The following TGM1 variants were observed in gnomAD, a reference collection of about 807,000 sequenced individuals.
TGM1 encodes the protein transglutaminase 1.
In TGM1, 63 loss-of-function variants were observed where a neutral mutation model predicts 88.7. The observed-to-expected ratio is 0.71, with a 90% CI of 0.58 to 0.88. TGM1 has a LOEUF of 0.88. Among genes scored for constraint, TGM1 ranks in the 40% least tolerant of loss-of-function variants. TGM1 has a pLI of 0.00. For missense variants in TGM1, 996 were observed against 1,118.0 expected (o/e 0.89, Z 1.56); for synonymous variants, 415 against 431.1 (o/e 0.96, Z 0.46).
In TGM1 at chr14:24,249,348, C is replaced by T. The variant is rs1314426817; in HGVS notation, c.2419G>A (p.Glu807Lys). The T allele has an allele frequency of 8.1e-6, 13 of 1,613,856 alleles. No individual in the cohort carries two copies. Among genetic ancestry groups the T allele is most frequent in the African/African-American group, 1.3e-5 (1 of 74,894 alleles). ...SDAGGDSHLGETIPMASRGGA is the reference protein window; with the variant it reads ...SDAGGDSHLGKTIPMASRGGA Reference sequence around the variant, plus strand: ...CCTCGAGATGCCATAGGGATGGTCTCTCCTAAGTGACTGTCACCTCCAGCG... The same window carrying T: ...CCTCGAGATGCCATAGGGATGGTCTTTCCTAAGTGACTGTCACCTCCAGCG... The change falls in exon 15 of 15, where the codon GAG (glutamate) becomes AAG (lysine). Residue 807 changes from glutamate (E) to lysine (K), a missense_variant. Coordinates refer to ENST00000206765, the MANE Select transcript of TGM1 (RefSeq NM_000359.3).
chr14:24,258,846 G>A (rs35692401), intron 7 of TGM1, among the ~76,000 whole-genome samples, 173 bp from the exon 8 acceptor site: 1 of 152,330 alleles, frequency 6.6e-6, no homozygotes, highest in African/African-American at 2.4e-5. Context: ...TTGGGGTCAG[G>A]GGAAGCTAGG....
Position 24,254,698 on chromosome 14 carries a change from G to A in TGM1, c.2054C>T (p.Thr685Ile). The A allele has an allele frequency of 6.2e-7, 1 of 1,613,972 alleles. No homozygotes were observed. ...ESGQVLAKQHTFRLRTPDLSL... is the reference protein window; with the variant it reads ...ESGQVLAKQHIFRLRTPDLSL... ...GAGGTCTGGGGTGCGCAGACGGAAG[G>A]TGTGCTGCTTGGCCAGCACCTGCCC... Residue 685 changes from threonine to isoleucine, a missense_variant, in exon 13 of 15, where the codon ACC becomes ATC. Thr to Ile is a moderately conservative substitution (Grantham distance 89). Transcript: ENST00000206765.
At position 24,256,070 on chromosome 14, in the gene TGM1, GA is replaced by G. The variant is rs1479881544; in HGVS notation, c.1409del (p.Phe470SerfsTer18). 1 of 1,565,236 alleles carries G rather than the reference GA, an allele frequency of 6.4e-7. No homozygotes were observed. Among genetic ancestry groups the G allele is most frequent in the Non-Finnish European group, 8.7e-7 (1 of 1,153,840 alleles). The part of the protein sequence containing the change: ...ATPQETSSGI[F>X]CCGPCSVESI... ...ACTCCACAGAGCAGGGGCCGCAGCA[GA>G]AGATGCCTAGAGAGTGAGGCGGGAC... is the stretch of plus-strand genomic sequence containing the variant. On this transcript the variant is annotated frameshift_variant, in exon 10 of 15. Transcript: ENST00000206765. LOFTEE classifies it high-confidence loss of function.
In TGM1 at chr14:24,255,470, G is replaced by A. The variant is rs1383613653; in HGVS notation, c.1539C>T (p.Phe513=). Residue 513 remains phenylalanine (F), a synonymous_variant, in exon 11 of 15, where the codon TTC becomes TTT. Coordinates refer to ENST00000206765, the MANE Select transcript of TGM1 (RefSeq NM_000359.3). The surrounding 1 kb of genome is among the most constrained non-coding windows in gnomAD (Gnocchi z 4.0). ...VYWQRQDDGS[F]KIVYVEEKAI... is the part of the protein sequence containing the mutation. ...CCTTCTCCTCCACATAAACAATCTT[G>A]AAGCTGCCATCATCCTGCCGCTGCC... 1 of 1,613,948 alleles carries A rather than the reference G, an allele frequency of 6.2e-7. No individual in the cohort carries two copies. Among genetic ancestry groups the A allele is most frequent in the Non-Finnish European group, 8.5e-7 (1 of 1,180,044 alleles).
At chr14:24,253,430 T>TTG (rs139097500) in intron 14 of TGM1, among the ~76,000 whole-genome samples, 8 of 151,760 alleles carry the variant, frequency 5.3e-5, no homozygotes, top group South Asian at 2.1e-4. Flanking sequence ...AAAACTTCGC[T>TTG]TGTGTGTGTG....
intron 14 of TGM1, among the ~76,000 whole-genome samples, chr14:24,253,215 G>C (rs1205396605): frequency 6.6e-6 from 1 of 152,200 alleles, no homozygotes; most frequent in Non-Finnish European, 1.5e-5. Flanking sequence ...CTGTAAGTGG[G>C]GGTAATAATG....
rs2040747057 is a variant in TGM1 at position 24,255,953 on chromosome 14, T to C, written c.1491+36A>G. On this transcript the variant is annotated intron_variant, in intron 10 of 14. Transcript: ENST00000206765. This position sits in a 1 kb window ranked among gnomAD's most constrained non-coding sequence, Gnocchi z 4.0. ...AAGTTGGGACCAGAGAACCCATGAC[T>C]GAAGCCCAAGAAGGCACCTGGAGCC... is the stretch of plus-strand genomic sequence containing the variant. 6.6e-7 allele frequency: 1 copy of C among 1,523,408 alleles called. No homozygotes were observed. The highest frequency in any genetic ancestry group is 2.4e-5 in the East Asian group (1 of 40,856). The allele number at this position is 1,523,408 out of a possible 1,614,324, so 94.4% of individuals were successfully genotyped here.
chr14:24,254,143 C>T lies in TGM1; in HGVS notation c.2225+9G>A. The T allele has an allele frequency of 6.2e-7, 1 of 1,608,154 alleles. No homozygotes were observed. Among genetic ancestry groups the T allele is most frequent in the Non-Finnish European group, 8.5e-7 (1 of 1,177,196 alleles). On this transcript the variant is annotated intron_variant, in intron 14 of 14. Coordinates refer to ENST00000206765, the MANE Select transcript of TGM1 (RefSeq NM_000359.3). ...TGGAAGCAGGGGTAGGGGGAGAGGC[C>T]AGACTCACCCAACGTTGAGGATCTT...
At position 24,255,118 on chromosome 14, in the gene TGM1, A is replaced by G; in HGVS notation, c.1781T>C (p.Leu594Pro). The G allele has an allele frequency of 6.2e-7, 1 of 1,614,140 alleles. No homozygotes were observed. The highest frequency in any genetic ancestry group is 1.1e-5 in the South Asian group (1 of 91,086). ...ATTGATCAGCATCACAGAGACCATC[A>G]GATCCTGCCCCATCACCGCGTCCTG... The part of the protein sequence containing the change: ...EAQDAVMGQD[L>P]MVSVMLINHS... The change falls in exon 12 of 15, where the codon CTG becomes CCG. Residue 594 changes from leucine to proline, a missense_variant. Physicochemically the swap from Leu to Pro is moderately conservative, Grantham distance 98 (BLOSUM62 -3). Coordinates refer to ENST00000206765, the MANE Select transcript of TGM1 (RefSeq NM_000359.3). This position sits in a 1 kb window ranked among gnomAD's most constrained non-coding sequence, Gnocchi z 4.0.
intron 14 of TGM1, 135 bp downstream of exon 14, chr14:24,254,017 G>C (rs1366154248): frequency 7.8e-7 from 1 of 1,286,910 alleles, no homozygotes; most frequent in African/African-American, 1.5e-5. Flanking sequence ...GGTATTGCTA[G>C]CTGGCCCCAA....
intron 14 of TGM1, among the ~76,000 whole-genome samples, chr14:24,250,700 G>A (rs1382436601): frequency 1.3e-5 from 2 of 152,174 alleles, no homozygotes; most frequent in African/African-American, 4.8e-5. Flanking sequence ...AGCACCTCCT[G>A]CCTCTAGGAA....
In TGM1 at chr14:24,262,194, G is replaced by A. The variant is rs201432046; in HGVS notation, c.159C>T (p.Cys53=). 1 of 1,613,628 alleles carries A rather than the reference G, an allele frequency of 6.2e-7. No homozygotes were observed. Among genetic ancestry groups the A allele is most frequent in the African/African-American group, 1.3e-5 (1 of 74,934 alleles). Residue 53 remains cysteine, a synonymous_variant, in exon 2 of 15, where the codon TGC becomes TGT. Transcript: ENST00000206765. The stretch of plus-strand genomic sequence containing the variant: ...CCCAGTCGTCATCTGCCGCATTTCG[G>A]CATGAACAGCAGCCACAGCAGCGAG... ...FWARCCGCCS[C]RNAADDDWGP...
chr14:24,255,418 C>T lies in TGM1; in HGVS notation c.1591G>A (p.Ala531Thr), dbSNP rs1387897621. The change falls in exon 11 of 15, where the codon GCC (alanine) becomes ACC (threonine). Residue 531 changes from alanine (A) to threonine (T), a missense_variant. Transcript: ENST00000206765. The surrounding 1 kb of genome is among the most constrained non-coding windows in gnomAD (Gnocchi z 4.0). ...KAIGTLIVTKAISSNMREDIT... is the reference protein window; with the variant it reads ...KAIGTLIVTKTISSNMREDIT... ...TCCTCCCGCATGTTGGAGCTGATGGCCTTTGTGACAATGAGTGTGCCGATG... is the reference window on the plus strand; with the variant it reads ...TCCTCCCGCATGTTGGAGCTGATGGTCTTTGTGACAATGAGTGTGCCGATG... The T allele has an allele frequency of 6.2e-7, 1 of 1,613,998 alleles. No individual in the cohort carries two copies. The highest frequency in any genetic ancestry group is 1.3e-5 in the African/African-American group (1 of 74,880).
chr14:24,258,766 T>C, intron 7 of TGM1, 93 bp from the exon 8 acceptor site: 3 of 1,559,234 alleles, frequency 1.9e-6, no homozygotes, highest in Non-Finnish European at 2.6e-6. Context: ...GCAACTAGGA[T>C]TGCCAAGCTG....
In TGM1 at chr14:24,260,534, G is replaced by C; in HGVS notation, c.673C>G (p.Arg225Gly). Residue 225 changes from arginine (R) to glycine (G), a missense_variant, in exon 4 of 15, where the codon CGC (arginine) becomes GGC (glycine). Arg to Gly is a moderately radical substitution (Grantham distance 125). Transcript: ENST00000206765. ...AACTCCCCAGCGTCTGATTGTGTGC[G>C]GACTGTGAACTGAAACTTGCCGATG... ...AIIGKFQFTV[R>G]TQSDAGEFQL... 1 of 1,614,224 alleles carries C rather than the reference G, an allele frequency of 6.2e-7. No individual in the cohort carries two copies. The highest frequency in any genetic ancestry group is 8.5e-7 in the Non-Finnish European group (1 of 1,180,036).
chr14:24,261,542 A>G (rs1566380680), intron 3 of TGM1, among the ~76,000 whole-genome samples, 153 bp downstream of exon 3: 1 of 151,774 alleles, frequency 6.6e-6, no homozygotes, highest in Admixed American at 6.6e-5. Flanking sequence ...CTGAGACACA[A>G]CCCCAGGGGC....
Position 24,249,203 on chromosome 14 carries a change from AGCCCTGGACTC to A in TGM1, c.*99_*109del. Reference sequence around the variant, plus strand: ...GGGAGCCCTGGACTCCCCCTCCGGGAGCCCTGGACTCCCCACCTGAGCTCCTGGGGAGCTGC... The same window carrying A: ...GGGAGCCCTGGACTCCCCCTCCGGGACCCACCTGAGCTCCTGGGGAGCTGC... On this transcript the variant is annotated 3_prime_UTR_variant, in exon 15 of 15. Transcript: ENST00000206765. 3.4e-6 allele frequency: 1 copy of A among 298,400 alleles called. No individual in the cohort carries two copies. The highest frequency in any genetic ancestry group is 5.8e-6 in the Non-Finnish European group (1 of 171,890). The allele number at this position is 298,400 out of a possible 1,614,324, so 18.5% of individuals were successfully genotyped here.
chr14:24,257,730 T>C (rs1027567597), intron 9 of TGM1, among the ~76,000 whole-genome samples: 49 of 152,330 alleles, frequency 3.2e-4, no homozygotes, highest in African/African-American at 1.2e-3. Context: ...AAATATACAT[T>C]GTTAGCATCT....
chr14:24,252,924 G>T (rs1174205045), intron 14 of TGM1, among the ~76,000 whole-genome samples: 1 of 152,200 alleles, frequency 6.6e-6, no homozygotes, highest in Non-Finnish European at 1.5e-5. Context: ...GGCAGCACGT[G>T]TAAGTCTGTA....
Sources: gnomAD v4.1 joint callset for allele counts (sites outside exome capture counted in the v4.1 genomes callset) on GRCh38, gnomAD v4.1.1 for gene constraint, Gnocchi (gnomAD v3.1) non-coding constraint, MANE v1.5 for transcripts, NCBI Gene and HGNC (gene_info 2026-07-23, HGNC 2026-07-21) for gene names.